TBC1D2B: variants seen among roughly 807,000 people sequenced by gnomAD.
TBC1D2B encodes the protein TBC1 domain family member 2B.
In TBC1D2B, 64 loss-of-function variants were observed where a neutral mutation model predicts 100.8. The ratio of observed to expected loss-of-function variants is 0.64; its 90% CI spans 0.52 to 0.78. TBC1D2B has a LOEUF of 0.78. TBC1D2B is among the 30% of genes least tolerant of loss of function. The probability of loss-of-function intolerance (pLI) is 0.00; values close to 1 mark genes in which losing one functional copy is unlikely to be tolerated. For synonymous variants in TBC1D2B, 480 were observed against 479.7 expected (o/e 1.00, Z -0.01); for missense variants, 1,052 against 1,218.4 (o/e 0.86, Z 2.03).
At chr15:78,004,363 A>C (rs1243381755) in intron 10 of TBC1D2B, among the ~76,000 whole-genome samples, 3 of 152,198 alleles carry the variant, frequency 2.0e-5, no homozygotes, top group Non-Finnish European at 4.4e-5. Context: ...CCCGCCAAGC[A>C]CTGAGGAGAA....
At chr15:78,047,997 C>A (rs2073233890) in intron 2 of TBC1D2B, among the ~76,000 whole-genome samples, 1 of 152,224 alleles carries the variant, frequency 6.6e-6, no homozygotes, top group Non-Finnish European at 1.5e-5. Flanking sequence ...CCAGCCTCTT[C>A]TTCCTGTGTG....
intron 3 of TBC1D2B, among the ~76,000 whole-genome samples, chr15:78,040,888 G>GAAAGAAAGAAAGAAAGAAAGAAAGAA (rs1567026304): frequency 8.2e-6 from 1 of 122,398 alleles, no homozygotes; most frequent in Non-Finnish European, 1.7e-5. Flanking sequence ...GAAAGAGAGA[G>GAAAGAAAGAAAGAAAGAAAGAAAGAA]AGAGAGAAAG....
chr15:78,003,558 C>T (rs544683753), intron 10 of TBC1D2B, 68 bp from the exon 11 acceptor site: 47 of 1,273,976 alleles, frequency 3.7e-5, no homozygotes, highest in African/African-American at 3.5e-4. Flanking sequence ...GACGAGCAGA[C>T]GCGCAACCTG....
In TBC1D2B at chr15:78,013,250, C is replaced by T. The variant is rs913797491; in HGVS notation, c.1843G>A (p.Val615Ile). Reference sequence around the variant, plus strand: ...AGAGTCTTCAGATCCAACGCGCGGACCTTGGCAACCAATTTCTCTTCCTCA... The same window carrying T: ...AGAGTCTTCAGATCCAACGCGCGGATCTTGGCAACCAATTTCTCTTCCTCA... The part of the protein sequence containing the change: ...DDEEEKLVAK[V>I]RALDLKTLYL... Residue 615 changes from valine to isoleucine, a missense_variant, in exon 9 of 13, where the codon GTC becomes ATC. Val to Ile is a conservative substitution (Grantham distance 29). This residue lies in a region of TBC1D2B where 373 missense variants were observed against 464.9 expected (regional missense o/e 0.80). Coordinates refer to ENST00000300584, the MANE Select transcript of TBC1D2B (RefSeq NM_144572.2). The T allele has an allele frequency of 2.5e-6, 4 of 1,613,872 alleles. No individual in the cohort carries two copies. In the African/African-American group the frequency reaches 5.3e-5, roughly 22 times the overall value.
At chr15:78,040,918 A>T (rs1555420858) in intron 3 of TBC1D2B, among the ~76,000 whole-genome samples, 5 of 74,338 alleles carry the variant, frequency 6.7e-5, no homozygotes, top group Non-Finnish European at 9.6e-5. Context: ...AAGAAAAGGG[A>T]GGCAGGGAGG....
At chr15:78,015,217 A>G (rs2072340122) in intron 8 of TBC1D2B, among the ~76,000 whole-genome samples, 2 of 152,132 alleles carry the variant, frequency 1.3e-5, no homozygotes, top group Admixed American at 6.5e-5. Context: ...ACAAAATAAA[A>G]CAAAACAAAA....
In TBC1D2B at chr15:77,998,269, A is replaced by G. The variant is rs947593243; in HGVS notation, c.2783T>C (p.Val928Ala). Residue 928 changes from valine (V) to alanine (A), a missense_variant, in exon 13 of 13, where the codon GTC (valine) becomes GCC (alanine). Transcript: ENST00000300584. ...CTCCAGCTCGGTCAGCTCCAGCCGG[A>G]CTTTCTCCAAGTGGTAGGCGCGTCG... ...RNRRAYHLEK[V>A]RLELTELEAI... 12 of 1,603,160 alleles carry G rather than the reference A, an allele frequency of 7.5e-6. No individual in the cohort carries two copies. The highest frequency in any genetic ancestry group is 1.1e-5 in the South Asian group (1 of 88,734).
In TBC1D2B at chr15:78,007,192, G is replaced by A. The variant is rs980711645; in HGVS notation, c.2388+1805C>T. ...CCCAGAGAACACACGCCCCATCAGC[G>A]GGCAGGAAGGAGGGCCCTGGCAGCG... On this transcript the variant is annotated intron_variant, in intron 10 of 12. Coordinates refer to ENST00000300584, the MANE Select transcript of TBC1D2B (RefSeq NM_144572.2). Among the ~76,000 whole-genome samples the A allele has an allele frequency of 3.9e-5, 6 of 152,234 alleles. No individual in the cohort carries two copies. The East Asian group carries it at 7.7e-4, about 20-fold the overall frequency.
chr15:78,038,819 G>C (rs2141748112), intron 3 of TBC1D2B, among the ~76,000 whole-genome samples: 1 of 152,278 alleles, frequency 6.6e-6, no homozygotes, highest in South Asian at 2.1e-4. Context: ...AAAGCCACTG[G>C]TCCTCTCATG....
In TBC1D2B at chr15:78,066,709, A is replaced by G. The variant is rs544160659; in HGVS notation, c.360+10584T>C. The stretch of plus-strand genomic sequence containing the variant: ...TATACAAGAGAGCTGTGTAAACAGT[A>G]TAAAAAGTGGTTCACTTCTAAGGCC... On this transcript the variant is annotated intron_variant, in intron 1 of 12. Coordinates refer to ENST00000300584, the MANE Select transcript of TBC1D2B (RefSeq NM_144572.2). 2.6e-5 allele frequency among the ~76,000 whole-genome samples: 4 copies of G among 152,380 alleles called. No individual in the cohort carries two copies. In the East Asian group the frequency reaches 5.8e-4, roughly 22 times the overall value.
At chr15:78,009,843 C>T (rs28630441) in intron 9 of TBC1D2B, among the ~76,000 whole-genome samples, 2,324 of 152,004 alleles carry the variant, frequency 0.015, 63 homozygotes, top group African/African-American at 0.052. Flanking sequence ...GGCGCGGTGG[C>T]GGGCGCCTGT....
At chr15:78,057,636 T>C (rs1447974501) in intron 1 of TBC1D2B, among the ~76,000 whole-genome samples, 3 of 151,944 alleles carry the variant, frequency 2.0e-5, no homozygotes, top group African/African-American at 4.8e-5. Context: ...ACAGTGAGAC[T>C]CTGTCTCAAA....
intron 4 of TBC1D2B, 41 bp from the exon 5 acceptor site, chr15:78,025,538 T>A (rs569533240): frequency 2.1e-6 from 3 of 1,398,704 alleles, no homozygotes; most frequent in Non-Finnish European, 2.9e-6. Flanking sequence ...TTATTATTAT[T>A]ATTTTTGAGA....
chr15:78,038,325 G>A (rs1429488641), intron 3 of TBC1D2B, among the ~76,000 whole-genome samples: 4 of 152,188 alleles, frequency 2.6e-5, no homozygotes, highest in African/African-American at 9.7e-5. Context: ...GGAGAAGCAC[G>A]GCAGTGAGGA....
intron 3 of TBC1D2B, 65 bp from the exon 4 acceptor site, chr15:78,030,235 A>G: frequency 7.0e-7 from 1 of 1,421,340 alleles, no homozygotes; most frequent in Non-Finnish European, 9.5e-7. Flanking sequence ...AATCTCATGT[A>G]TATAGGATTG....
intron 2 of TBC1D2B, among the ~76,000 whole-genome samples, chr15:78,048,668 C>T (rs1256219848): frequency 3.9e-5 from 6 of 152,202 alleles, no homozygotes; most frequent in Non-Finnish European, 5.9e-5. Context: ...AGTGTGAACC[C>T]GGGCAGTCTC....
rs1358450615 is a variant in TBC1D2B, at chr15:77,996,511, GCT to G, written c.*1647_*1648del. The G allele has an allele frequency of 6.6e-6, 1 of 152,144 alleles. No homozygotes were observed. Among genetic ancestry groups the G allele is most frequent in the African/African-American group, 2.4e-5 (1 of 41,444 alleles). 9.4% of individuals were successfully genotyped at this position (152,144 alleles called of 1,614,324 possible). On this transcript the variant is annotated 3_prime_UTR_variant, in exon 13 of 13. Coordinates refer to ENST00000300584, the MANE Select transcript of TBC1D2B (RefSeq NM_144572.2). Reference sequence around the variant, plus strand: ...TGAAGGAGTCAGACCTCAAACTGCTGCTCTCAAAGACAAAGACAATGACAAAA... The same window carrying G: ...TGAAGGAGTCAGACCTCAAACTGCTGCTCAAAGACAAAGACAATGACAAAA...
rs1357536142 is a variant in TBC1D2B, at chr15:78,068,363, T to C, written c.360+8930A>G. Among the ~76,000 whole-genome samples the C allele has an allele frequency of 5.1e-5, 7 of 136,550 alleles. No homozygotes were observed. The Admixed American group carries it at 5.3e-4, about 10-fold the overall frequency. 89.6% of individuals were successfully genotyped at this position (136,550 alleles called of 152,430 possible). On this transcript the variant is annotated intron_variant, in intron 1 of 12. Transcript: ENST00000300584. The stretch of plus-strand genomic sequence containing the variant: ...TACAAACGTCCGTTTCACCATGAAA[T>C]GAAAGCACACACACCACACCCACAC...
chr15:78,077,658 CCG>C lies in TBC1D2B; in HGVS notation c.-8_-7del. 1 of 987,136 alleles carries C rather than the reference CCG, an allele frequency of 1.0e-6. No homozygotes were observed. Among genetic ancestry groups the C allele is most frequent in the Non-Finnish European group, 1.2e-6 (1 of 831,590 alleles). 61.1% of individuals were successfully genotyped at this position (987,136 alleles called of 1,614,324 possible). A position where few individuals can be genotyped will look rare whatever the true frequency, so the allele number is the denominator to read the frequency against. ...CGGGCTCCGGCCCCCGGCATCGCTA[CCG>C]CGCGCCAACCGTAGGCGCCCGCGCC... On this transcript the variant is annotated 5_prime_UTR_variant, in exon 1 of 13. Coordinates refer to ENST00000300584, the MANE Select transcript of TBC1D2B (RefSeq NM_144572.2).
Sources: allele counts gnomAD v4.1 joint callset (sites outside exome capture counted in the v4.1 genomes callset), GRCh38; gene constraint gnomAD v4.1.1; regional missense constraint gnomAD v4.1.1; transcripts MANE v1.5; gene names NCBI Gene and HGNC (gene_info 2026-07-23, HGNC 2026-07-21).